Variants in SH3KBP1 observed in about 807,000 individuals in gnomAD.
SH3KBP1 encodes the protein SH3 domain-containing kinase-binding protein 1.
SH3KBP1 carries 8 observed loss-of-function variants against 50.1 expected under a neutral mutation model. That is an observed-to-expected ratio of 0.16 (90% CI 0.09 to 0.29). SH3KBP1 has a LOEUF of 0.29. Ranked by LOEUF, SH3KBP1 falls within the 10% of genes least tolerant of loss-of-function variation. The probability of loss-of-function intolerance (pLI) is 1.00; values close to 1 mark genes in which losing one functional copy is unlikely to be tolerated. For synonymous variants in SH3KBP1, 227 were observed against 218.6 expected (o/e 1.04, Z -0.34); for missense variants, 377 against 535.2 (o/e 0.70, Z 2.92).
chrX:19,643,330 T>TA (rs2061915611), intron 7 of SH3KBP1, among the ~76,000 whole-genome samples: 4 of 92,168 alleles, frequency 4.3e-5, no homozygotes, highest in Admixed American at 2.3e-4. Flanking sequence ...TTATTTTTTT[T>TA]TTTTTTTGAG....
At chrX:19,732,707 TC>T (rs201174275) in intron 3 of SH3KBP1, among the ~76,000 whole-genome samples, 21,858 of 110,089 alleles carry the variant, frequency 0.2, 1,957 homozygotes, top group African/African-American at 0.32. Context: ...TTTTATAATT[TC>T]CACTTATCCA....
In SH3KBP1 at chrX:19,542,363, T is replaced by C. The variant is rs371016574; in HGVS notation, c.1624-170A>G. ...CCAAGGGCCTGCTTGGTACAGGCAT[T>C]TCCCCCTTACTCACACGCCGCCTTC... On this transcript the variant is annotated intron_variant, in intron 15 of 17. Coordinates refer to ENST00000397821, the MANE Select transcript of SH3KBP1 (RefSeq NM_031892.3). Among the ~76,000 whole-genome samples the C allele has an allele frequency of 1.2e-3, 137 of 112,062 alleles. 1 individual carries two copies. Among genetic ancestry groups the C allele is most frequent in the African/African-American group, 4.2e-3 (130 of 30,880 alleles).
At chrX:19,761,713 G>A (rs368116175) in intron 2 of SH3KBP1, among the ~76,000 whole-genome samples, 11 of 111,839 alleles carry the variant, frequency 9.8e-5, no homozygotes, top group African/African-American at 3.2e-4. Context: ...AGAATATAAG[G>A]ACACAAAGAG....
intron 5 of SH3KBP1, among the ~76,000 whole-genome samples, chrX:19,685,268 G>A (rs1313612140): frequency 8.9e-6 from 1 of 112,223 alleles, no homozygotes; most frequent in Non-Finnish European, 1.9e-5. Context: ...CATAAAATGT[G>A]GAAGTCATTC....
At chrX:19,760,101 C>CACAA (rs1556346433) in intron 2 of SH3KBP1, among the ~76,000 whole-genome samples, 1 of 103,625 alleles carries the variant, frequency 9.7e-6, no homozygotes, top group African/African-American at 3.7e-5. Flanking sequence ...CACACACACA[C>CACAA]ACTTGGCTGG....
At chrX:19,643,949 T>C (rs763489114) in intron 7 of SH3KBP1, among the ~76,000 whole-genome samples, 2 of 111,939 alleles carry the variant, frequency 1.8e-5, no homozygotes, top group Non-Finnish European at 3.8e-5. Context: ...GGTCCTAGAA[T>C]ATGGGCTTCC....
intron 1 of SH3KBP1, among the ~76,000 whole-genome samples, chrX:19,854,460 A>T (rs781688353): frequency 9.0e-6 from 1 of 111,697 alleles, no homozygotes; most frequent in South Asian, 3.7e-4. Context: ...ACTGAGTCAA[A>T]CAAGCTGGAC....
intron 12 of SH3KBP1, among the ~76,000 whole-genome samples, chrX:19,572,949 T>G (rs1227086955): frequency 3.6e-5 from 4 of 111,366 alleles, no homozygotes; most frequent in Non-Finnish European, 7.5e-5. Flanking sequence ...GGAAGAAAAT[T>G]TACAGTGGTT....
At chrX:19,691,682 G>A (rs1464535282) in intron 5 of SH3KBP1, among the ~76,000 whole-genome samples, 2 of 110,591 alleles carry the variant, frequency 1.8e-5, no homozygotes, top group South Asian at 7.5e-4. Context: ...TAACTGCAAC[G>A]TATGTACTTT....
intron 6 of SH3KBP1, among the ~76,000 whole-genome samples, chrX:19,672,897 A>C (rs2062833522): frequency 9.4e-6 from 1 of 106,021 alleles, no homozygotes; most frequent in South Asian, 4.4e-4. Context: ...TCTCTACTAA[A>C]AATACAAAAA....
intron 2 of SH3KBP1, among the ~76,000 whole-genome samples, chrX:19,760,041 C>CCTCTCTCCCTCTCTCTCT: frequency 4.0e-5 from 2 of 50,455 alleles, no homozygotes; most frequent in African/African-American, 1.9e-4. Context: ...TCTCTCTCTC[C>CCTCTCTCCCTCTCTCTCT]CTCTCTCTCT....
chrX:19,768,470 C>T (rs2065686990), intron 2 of SH3KBP1, among the ~76,000 whole-genome samples: 1 of 97,921 alleles, frequency 1.0e-5, no homozygotes, highest in Admixed American at 1.2e-4. Flanking sequence ...CTAAACTCCA[C>T]CTAACGCCAC....
chrX:19,697,438 A>C (rs1056937996), intron 4 of SH3KBP1, among the ~76,000 whole-genome samples: 3 of 112,227 alleles, frequency 2.7e-5, no homozygotes, highest in Non-Finnish European at 5.6e-5. Context: ...GGAATAATTA[A>C]CACACTTCAC....
chrX:19,653,763 TAC>T (rs60424271), intron 6 of SH3KBP1, among the ~76,000 whole-genome samples: 30,904 of 79,565 alleles, frequency 0.39, 6,117 homozygotes, highest in Middle Eastern at 0.64. Flanking sequence ...TATGTCTAAA[TAC>T]ACACACACAC....
chrX:19,708,665 T>A (rs182597788), intron 3 of SH3KBP1, among the ~76,000 whole-genome samples: 18 of 112,067 alleles, frequency 1.6e-4, no homozygotes, highest in Admixed American at 1.3e-3. Context: ...GCAAAGAAAG[T>A]CTAGATTACA....
intron 5 of SH3KBP1, among the ~76,000 whole-genome samples, chrX:19,693,686 C>T (rs2063350982): frequency 8.9e-6 from 1 of 111,778 alleles, no homozygotes; most frequent in South Asian, 3.8e-4. Flanking sequence ...GCCCAACCTC[C>T]TAATCCTCTG....
At chrX:19,709,321 C>T (rs1040165630) in intron 3 of SH3KBP1, among the ~76,000 whole-genome samples, 7 of 111,791 alleles carry the variant, frequency 6.3e-5, no homozygotes, top group Admixed American at 2.8e-4. Flanking sequence ...GTAAAGATCA[C>T]GTGACCTGAT....
chrX:19,714,726 A>T (rs768508576), intron 3 of SH3KBP1, among the ~76,000 whole-genome samples: 2 of 112,282 alleles, frequency 1.8e-5, no homozygotes, highest in South Asian at 7.2e-4. Context: ...AAGAGTAAAG[A>T]CATATGACAA....
intron 1 of SH3KBP1, among the ~76,000 whole-genome samples, chrX:19,881,106 G>A (rs1277173594): frequency 2.7e-5 from 3 of 112,255 alleles, no homozygotes; most frequent in African/African-American, 9.7e-5. Context: ...CAAGGCAGAG[G>A]AGAGAGTGAC....
Sources: allele counts gnomAD v4.1 joint callset (sites outside exome capture counted in the v4.1 genomes callset), GRCh38; gene constraint gnomAD v4.1.1; transcripts MANE v1.5; gene names NCBI Gene and HGNC (gene_info 2026-07-23, HGNC 2026-07-21).